ZC3H15: variants seen among roughly 807,000 people sequenced by gnomAD.
The protein encoded by ZC3H15 is zinc finger CCCH-type containing 15, also known as zinc finger CCCH domain-containing protein 15.
In ZC3H15, 15 loss-of-function variants were observed where a neutral mutation model predicts 51.2. The ratio of observed to expected loss-of-function variants is 0.29; its 90% CI spans 0.20 to 0.45. The LOEUF is 0.45. ZC3H15 is among the 20% of genes least tolerant of loss of function. ZC3H15 has a pLI of 1.00. For synonymous variants in ZC3H15, 144 were observed against 162.8 expected (o/e 0.88, Z 0.88); for missense variants, 381 against 494.7 (o/e 0.77, Z 2.18).
rs79956537 is a variant in ZC3H15, at chr2:186,501,571, T to A, written c.442+146T>A. 79 of 717,388 alleles carry A rather than the reference T, an allele frequency of 1.1e-4. No homozygotes were observed. In the African/African-American group the frequency reaches 1.3e-3, roughly 12 times the overall value. The allele number at this position is 717,388 out of a possible 1,614,324, so 44.4% of individuals were successfully genotyped here. ...ATTGGGTTTATTATTTTTTATAAAA[T>A]CTGAAAATTACCATAATATGCCCTT... On this transcript the variant is annotated intron_variant, in intron 4 of 9. Coordinates refer to ENST00000337859, the MANE Select transcript of ZC3H15 (RefSeq NM_018471.3).
chr2:186,503,798 G>A (rs1685425287), intron 5 of ZC3H15, among the ~76,000 whole-genome samples: 1 of 152,244 alleles, frequency 6.6e-6, no homozygotes, highest in African/African-American at 2.4e-5. Context: ...AATGAAAACT[G>A]TATAGATTCC....
intron 1 of ZC3H15, among the ~76,000 whole-genome samples, chr2:186,490,355 T>C (rs1685173965): frequency 6.6e-6 from 1 of 152,150 alleles, no homozygotes; most frequent in Non-Finnish European, 1.5e-5. Context: ...AAATAAAAGA[T>C]ACCCAGCTAA....
intron 1 of ZC3H15, among the ~76,000 whole-genome samples, chr2:186,487,769 A>G (rs2105583429): frequency 1.3e-5 from 2 of 152,320 alleles, no homozygotes; most frequent in South Asian, 2.1e-4. Context: ...TCGAGATTGG[A>G]CCCTGATACG....
At chr2:186,507,629 G>A (rs1685489025) in intron 9 of ZC3H15, among the ~76,000 whole-genome samples, 1 of 152,192 alleles carries the variant, frequency 6.6e-6, no homozygotes, top group African/African-American at 2.4e-5. Flanking sequence ...TTGAAGAAAG[G>A]GGTAAAAGTT....
At position 186,503,725 on chromosome 2, in the gene ZC3H15, G is replaced by A. The variant is rs145357595; in HGVS notation, c.535-307G>A. On this transcript the variant is annotated intron_variant, in intron 5 of 9. Transcript: ENST00000337859. ...TAATTGTATATTCTGATTCGGGGGC[G>A]TACATTTACAAAGGGTAACTGAAAC... Among the ~76,000 whole-genome samples, 406 of 152,220 alleles carry A rather than the reference G, an allele frequency of 2.7e-3. 2 individuals carry two copies. Among genetic ancestry groups the A allele is most frequent in the African/African-American group, 9.0e-3 (374 of 41,540 alleles).
intron 1 of ZC3H15, among the ~76,000 whole-genome samples, chr2:186,489,920 G>A (rs1436101308): frequency 6.6e-6 from 1 of 152,164 alleles, no homozygotes; most frequent in Non-Finnish European, 1.5e-5. Flanking sequence ...AGTTAAATGA[G>A]ATAATACATG....
chr2:186,501,387 G>C lies in ZC3H15; in HGVS notation c.404G>C (p.Ser135Thr). Residue 135 changes from serine to threonine, a missense_variant, in exon 4 of 10, where the codon AGT (serine) becomes ACT (threonine). Physicochemically the swap from Ser to Thr is moderately conservative, Grantham distance 58. This residue lies in a region of ZC3H15 where 125 missense variants were observed against 166.3 expected (regional missense o/e 0.75). Transcript: ENST00000337859. ...LTLERKCEKR[S>T]VYIDARDEEL... is the part of the protein sequence containing the mutation. ...CTGGAGAGAAAATGTGAAAAGCGAAGTGTTTACATTGATGCAAGAGATGAA... is the reference window on the plus strand; with the variant it reads ...CTGGAGAGAAAATGTGAAAAGCGAACTGTTTACATTGATGCAAGAGATGAA... The C allele has an allele frequency of 1.2e-6, 2 of 1,613,480 alleles. No homozygotes were observed. Among genetic ancestry groups the C allele is most frequent in the Non-Finnish European group, 1.7e-6 (2 of 1,179,808 alleles).
At chr2:186,504,335 C>A in intron 6 of ZC3H15, 121 bp downstream of exon 6, 1 of 822,768 alleles carries the variant, frequency 1.2e-6, no homozygotes, top group Non-Finnish European at 1.7e-6. Flanking sequence ...GTGATCTATT[C>A]CCAAAGTTGC....
At chr2:186,493,467 C>G (rs1685231542) in intron 1 of ZC3H15, among the ~76,000 whole-genome samples, 1 of 152,044 alleles carries the variant, frequency 6.6e-6, no homozygotes. Context: ...TCCAGAGAAC[C>G]AGAAAAGACC....
Position 186,505,501 on chromosome 2 carries a change from T to A in ZC3H15, c.768T>A (p.Leu256=), listed in dbSNP as rs998216893. Reference sequence around the variant, plus strand: ...CCAAAATCACTCTAGAATCTTTTCTTGCCTGGAAGAAAAGGAAAAGACAAG... The same window carrying A: ...CCAAAATCACTCTAGAATCTTTTCTAGCCTGGAAGAAAAGGAAAAGACAAG... ...NVTKITLESF[L]AWKKRKRQEK... is the part of the protein sequence containing the mutation. The change falls in exon 7 of 10, where the codon CTT becomes CTA. Residue 256 remains leucine, a synonymous_variant. Coordinates refer to ENST00000337859, the MANE Select transcript of ZC3H15 (RefSeq NM_018471.3). The A allele has an allele frequency of 1.3e-6, 2 of 1,598,518 alleles. No individual in the cohort carries two copies. The highest frequency in any genetic ancestry group is 3.6e-5 in the Admixed American group (2 of 55,966).
chr2:186,507,344 G>T, intron 9 of ZC3H15: 1 of 455,708 alleles, frequency 2.2e-6, no homozygotes, highest in Admixed American at 2.4e-5. Context: ...AGACTGCAAT[G>T]ATAACGGTGA....
At chr2:186,495,683 T>A (rs1468889277) in intron 2 of ZC3H15, among the ~76,000 whole-genome samples, 2 of 152,242 alleles carry the variant, frequency 1.3e-5, no homozygotes, top group Non-Finnish European at 2.9e-5. Context: ...CTTTTATTTC[T>A]GTGGCATAAA....
rs1574425830 is a variant in ZC3H15 at position 186,501,525 on chromosome 2, AC to A, written c.442+101del. 3.9e-6 allele frequency: 4 copies of A among 1,026,386 alleles called. No individual in the cohort carries two copies. In the East Asian group the frequency reaches 1.0e-4, roughly 27 times the overall value. The allele number at this position is 1,026,386 out of a possible 1,614,324, so 63.6% of individuals were successfully genotyped here. On this transcript the variant is annotated intron_variant, in intron 4 of 9. Coordinates refer to ENST00000337859, the MANE Select transcript of ZC3H15 (RefSeq NM_018471.3). Reference sequence around the variant, plus strand: ...TTGAAGAACATTTCAATCTTAATAGACTGTTTATAAAAAATAATTAATTGGG... The same window carrying A: ...TTGAAGAACATTTCAATCTTAATAGATGTTTATAAAAAATAATTAATTGGG...
At chr2:186,487,426 G>T (rs1685117419) in intron 1 of ZC3H15, 1 of 152,126 alleles carries the variant, frequency 6.6e-6, no homozygotes, top group African/African-American at 2.4e-5. Context: ...TTGTACTTTG[G>T]ATATAATTAG....
At chr2:186,506,132 A>G in intron 8 of ZC3H15, 5 of 439,502 alleles carry the variant, frequency 1.1e-5, no homozygotes, top group Middle Eastern at 9.3e-4. Flanking sequence ...ACCTGTAAAA[A>G]GTATGTTTTG....
chr2:186,494,826 G>C (rs553611417), intron 1 of ZC3H15, among the ~76,000 whole-genome samples: 2 of 152,236 alleles, frequency 1.3e-5, no homozygotes, highest in South Asian at 2.1e-4. Context: ...GTTGTGGGGT[G>C]GCGGAGGGGA....
intron 1 of ZC3H15, among the ~76,000 whole-genome samples, chr2:186,488,393 A>T (rs570421188): frequency 4.0e-4 from 61 of 152,178 alleles, no homozygotes; most frequent in Non-Finnish European, 7.8e-4. Flanking sequence ...AGTTTTTACC[A>T]CTCTAGGAAC....
intron 2 of ZC3H15, among the ~76,000 whole-genome samples, chr2:186,498,575 A>C (rs1056454968): frequency 2.0e-5 from 3 of 152,238 alleles, no homozygotes; most frequent in Non-Finnish European, 4.4e-5. Context: ...TTTTGTGTTT[A>C]AACACATCCA....
intron 2 of ZC3H15, among the ~76,000 whole-genome samples, chr2:186,496,104 C>CTAGATATG (rs1685277424): frequency 6.6e-6 from 1 of 152,128 alleles, no homozygotes; most frequent in Non-Finnish European, 1.5e-5. Context: ...TTTAATATTG[C>CTAGATATG]TAGATATGTT....
Sources: gnomAD v4.1 joint callset for allele counts (sites outside exome capture counted in the v4.1 genomes callset) on GRCh38, gnomAD v4.1.1 for gene constraint, gnomAD v4.1.1 regional missense constraint, MANE v1.5 for transcripts, NCBI Gene and HGNC (gene_info 2026-07-23, HGNC 2026-07-21) for gene names.